SLC14A2: variants seen among roughly 807,000 people sequenced by gnomAD.
SLC14A2 encodes the protein solute carrier family 14 member 2.
SLC14A2 carries 91 observed loss-of-function variants against 104.6 expected under a neutral mutation model. The observed-to-expected ratio is 0.87, with a 90% confidence interval of 0.73 to 1.04. SLC14A2 has a LOEUF of 1.04. SLC14A2 is among the 50% of genes least tolerant of loss of function. The pLI, the probability that SLC14A2 is intolerant of heterozygous loss-of-function variation, is 0.00. For synonymous variants in SLC14A2, 476 were observed against 466.4 expected (o/e 1.02, Z -0.27); for missense variants, 1,189 against 1,156.0 (o/e 1.03, Z -0.41).
At position 45,637,148 on chromosome 18, in the gene SLC14A2, C is replaced by T; in HGVS notation, c.809C>T (p.Pro270Leu). Reference sequence around the variant, plus strand: ...CTGGTAGAGCCTGTGTCTTCAGTGCCCAATATCACCTGGACAGAGATGGAA... The same window carrying T: ...CTGGTAGAGCCTGTGTCTTCAGTGCTCAATATCACCTGGACAGAGATGGAA... ...TTLVEPVSSV[P>L]NITWTEMEMP... The change falls in exon 6 of 20, where the codon CCC (proline) becomes CTC (leucine). Residue 270 changes from proline to leucine, a missense_variant. Pro to Leu is a moderately conservative substitution (Grantham distance 98). Coordinates refer to ENST00000255226, the MANE Select transcript of SLC14A2 (RefSeq NM_007163.4). The T allele has an allele frequency of 6.2e-7, 1 of 1,614,140 alleles. No homozygotes were observed. Among genetic ancestry groups the T allele is most frequent in the Non-Finnish European group, 8.5e-7 (1 of 1,180,008 alleles).
chr18:45,427,764 A>T (rs1302106025), intron 1 of SLC14A2, among the ~76,000 whole-genome samples: 1 of 152,196 alleles, frequency 6.6e-6, no homozygotes, highest in African/African-American at 2.4e-5. Flanking sequence ...GTGAGGAAAC[A>T]GTGGTGGCTA....
At chr18:45,440,440 C>T (rs890978202) in intron 1 of SLC14A2, 5 of 152,220 alleles carry the variant, frequency 3.3e-5, no homozygotes, top group Admixed American at 3.3e-4. Flanking sequence ...ACCAGCAGAG[C>T]TGTTCCAGCT....
At chr18:45,414,757 A>AAAAAAAATATATAT (rs1360051908) in intron 1 of SLC14A2, among the ~76,000 whole-genome samples, 1 of 76,110 alleles carries the variant, frequency 1.3e-5, no homozygotes, top group East Asian at 3.8e-4. Flanking sequence ...AAAAAAAAAA[A>AAAAAAAATATATAT]ATATATATAT....
chr18:45,330,723 G>A (rs577666038), intron 1 of SLC14A2, among the ~76,000 whole-genome samples: 53 of 152,260 alleles, frequency 3.5e-4, no homozygotes, highest in African/African-American at 1.3e-3. Context: ...TGTCCCTCGG[G>A]CCATTTCCAA....
intron 1 of SLC14A2, among the ~76,000 whole-genome samples, chr18:45,362,388 G>C (rs545335350): frequency 2.0e-5 from 3 of 152,240 alleles, no homozygotes; most frequent in African/African-American, 7.2e-5. Context: ...GAACCCTCTG[G>C]TGCCCCCACC....
rs573338376 is a variant in SLC14A2, at chr18:45,292,726, G to A, written c.-125+79535G>A. Among the ~76,000 whole-genome samples the A allele has an allele frequency of 1.1e-4, 16 of 152,268 alleles. No individual in the cohort carries two copies. In the South Asian group the frequency reaches 2.1e-3, roughly 20 times the overall value. ...TGGTGGTGGGACCGGCTACATTGGC[G>A]TATATATTGCCTGAACAATTAGAAA... On this transcript the variant is annotated intron_variant, in intron 1 of 20. Coordinates refer to the SLC14A2 transcript ENST00000586448.
At chr18:45,354,373 C>T (rs1021310074) in intron 1 of SLC14A2, among the ~76,000 whole-genome samples, 6 of 152,180 alleles carry the variant, frequency 3.9e-5, no homozygotes, top group Non-Finnish European at 7.3e-5. Context: ...GATGCACTGG[C>T]TTCTGGGTGA....
chr18:45,389,595 G>A (rs917257629), intron 1 of SLC14A2, among the ~76,000 whole-genome samples: 13 of 152,162 alleles, frequency 8.5e-5, no homozygotes, highest in Non-Finnish European at 1.5e-5. Flanking sequence ...TGACATTTTA[G>A]GAATTTTCTA....
At chr18:45,394,375 TAGAC>T (rs914956608) in intron 1 of SLC14A2, among the ~76,000 whole-genome samples, 4 of 152,150 alleles carry the variant, frequency 2.6e-5, no homozygotes, top group South Asian at 2.1e-4. Flanking sequence ...AAATTGAAAA[TAGAC>T]AGACTCTGAA....
chr18:45,663,774 C>T lies in SLC14A2; in HGVS notation c.1352-11C>T, dbSNP rs538155229. 357 of 1,610,606 alleles carry T rather than the reference C, an allele frequency of 2.2e-4. 3 individuals carry two copies. In the South Asian group the frequency reaches 3.7e-3, roughly 17 times the overall value. On this transcript the variant is annotated splice_polypyrimidine_tract_variant and intron_variant, in intron 10 of 19. Transcript: ENST00000255226. ...TGGGACACTGACCTGTCTTGTTTTGCCCCTGGCTAGGAGGCGGTGGGGAGC... is the reference window on the plus strand; with the variant it reads ...TGGGACACTGACCTGTCTTGTTTTGTCCCTGGCTAGGAGGCGGTGGGGAGC...
intron 10 of SLC14A2, among the ~76,000 whole-genome samples, chr18:45,652,800 C>T (rs1423967382): frequency 1.3e-5 from 2 of 152,070 alleles, no homozygotes; most frequent in Admixed American, 6.5e-5. Context: ...TTCTGCTTTC[C>T]AAGGCAGCAC....
At chr18:45,270,592 G>C (rs2084641540) in intron 1 of SLC14A2, among the ~76,000 whole-genome samples, 1 of 152,082 alleles carries the variant, frequency 6.6e-6, no homozygotes, top group Non-Finnish European at 1.5e-5. Context: ...ACCCAGTTGT[G>C]CTTAGTTCCT....
chr18:45,542,734 T>C (rs1265786823), intron 2 of SLC14A2, among the ~76,000 whole-genome samples: 3 of 151,794 alleles, frequency 2.0e-5, no homozygotes, highest in Non-Finnish European at 2.9e-5. Context: ...ACTGGGAGAG[T>C]CTATAGCAAA....
chr18:45,227,359 T>A (rs1278979772), intron 1 of SLC14A2, among the ~76,000 whole-genome samples: 1 of 152,232 alleles, frequency 6.6e-6, no homozygotes, highest in Non-Finnish European at 1.5e-5. Flanking sequence ...TCAGTCCATT[T>A]GTGCTGTTAT....
upstream of SLC14A2, among the ~76,000 whole-genome samples, chr18:45,208,794 A>T (rs2083936293): frequency 6.6e-6 from 1 of 152,126 alleles, no homozygotes; most frequent in Non-Finnish European, 1.5e-5. Flanking sequence ...AGGAGCATGG[A>T]GAATCAATCA....
chr18:45,370,551 G>C (rs1267360724), intron 1 of SLC14A2, among the ~76,000 whole-genome samples: 1 of 152,180 alleles, frequency 6.6e-6, no homozygotes, highest in Non-Finnish European at 1.5e-5. Context: ...ACCTTTTCCT[G>C]TCAGGCACAG....
At chr18:45,652,670 A>G (rs1403102437) in intron 10 of SLC14A2, among the ~76,000 whole-genome samples, 1 of 152,222 alleles carries the variant, frequency 6.6e-6, no homozygotes, top group African/African-American at 2.4e-5. Flanking sequence ...TCTGAAGCGA[A>G]TTTCAATTGA....
At chr18:45,491,879 G>C (rs980358494) in intron 2 of SLC14A2, among the ~76,000 whole-genome samples, 5 of 152,218 alleles carry the variant, frequency 3.3e-5, no homozygotes, top group African/African-American at 4.8e-5. Context: ...GCCAGCACCA[G>C]CTCTGCCAGG....
At chr18:45,671,455 T>C (rs1038013332) in intron 16 of SLC14A2, among the ~76,000 whole-genome samples, 1 of 152,142 alleles carries the variant, frequency 6.6e-6, no homozygotes, top group African/African-American at 2.4e-5. Flanking sequence ...TCAGAGGGAT[T>C]GTCTAAACTT....
Sources: gnomAD v4.1 joint callset for allele counts (sites outside exome capture counted in the v4.1 genomes callset) on GRCh38, gnomAD v4.1.1 for gene constraint, MANE v1.5 for transcripts, NCBI Gene and HGNC (gene_info 2026-07-23, HGNC 2026-07-21) for gene names.